PAPPA2: variants seen among roughly 807,000 people sequenced by gnomAD.
PAPPA2 encodes the protein pappalysin-2.
PAPPA2 carries 86 observed loss-of-function variants against 176.4 expected under a neutral mutation model. The observed-to-expected ratio is 0.49, with a 90% CI of 0.41 to 0.58. PAPPA2 has a LOEUF of 0.58. Among genes scored for constraint, PAPPA2 ranks in the 20% least tolerant of loss-of-function variants. The pLI, the probability that PAPPA2 is intolerant of heterozygous loss-of-function variation, is 0.00. For missense variants in PAPPA2, 2,073 were observed against 2,256.9 expected (o/e 0.92, Z 1.65); for synonymous variants, 809 against 852.2 (o/e 0.95, Z 0.88).
At chr1:176,707,627 C>T (rs1660932574) in intron 10 of PAPPA2, among the ~76,000 whole-genome samples, 1 of 152,040 alleles carries the variant, frequency 6.6e-6, no homozygotes, top group Admixed American at 6.6e-5. Flanking sequence ...TACAAATGGC[C>T]TTATCTGTTG....
At chr1:176,685,340 C>T (rs1659787231) in intron 4 of PAPPA2, among the ~76,000 whole-genome samples, 1 of 152,138 alleles carries the variant, frequency 6.6e-6, no homozygotes. Flanking sequence ...TTGAGAGCTT[C>T]TAAGGAGTGT....
Position 176,470,963 on chromosome 1 carries a change from A to T in PAPPA2, c.-917+7545A>T, listed in dbSNP as rs372746561. Among the ~76,000 whole-genome samples the T allele has an allele frequency of 3.3e-5, 5 of 152,214 alleles. No homozygotes were observed. The East Asian group carries it at 7.7e-4, about 24-fold the overall frequency. On this transcript the variant is annotated intron_variant, in intron 1 of 22. Transcript: ENST00000367662. Reference sequence around the variant, plus strand: ...AGTGGCTTCTCGGGTCAAATAGCACATCCTCAGAATGTGAAGGAGCCATTG... The same window carrying T: ...AGTGGCTTCTCGGGTCAAATAGCACTTCCTCAGAATGTGAAGGAGCCATTG...
At position 176,835,275 on chromosome 1, in the gene PAPPA2, G is replaced by A. The variant is rs1667229503; in HGVS notation, c.5203-4898G>A. Among the ~76,000 whole-genome samples, 7 of 152,170 alleles carry A rather than the reference G, an allele frequency of 4.6e-5. No individual in the cohort carries two copies. In the South Asian group the frequency reaches 1.2e-3, roughly 27 times the overall value. On this transcript the variant is annotated intron_variant, in intron 21 of 22. Transcript: ENST00000367662. ...AAACAAGACAGTTCACCTTTTTAAG[G>A]CTTCATTTCATCATTTGTAAAATAA... is the stretch of plus-strand genomic sequence containing the variant.
At chr1:176,511,355 C>A (rs927801517) in intron 1 of PAPPA2, among the ~76,000 whole-genome samples, 1 of 152,234 alleles carries the variant, frequency 6.6e-6, no homozygotes, top group East Asian at 1.9e-4. Flanking sequence ...ATTAGGAATA[C>A]AAGTCCAGTT....
intron 12 of PAPPA2, among the ~76,000 whole-genome samples, chr1:176,724,895 T>C (rs182204351): frequency 5.4e-4 from 82 of 152,350 alleles, no homozygotes; most frequent in African/African-American, 1.9e-3. Context: ...AATGATTATC[T>C]TAAAATTCAG....
In PAPPA2 at chr1:176,844,852, G is replaced by A. The variant is rs1667608600; in HGVS notation, c.*2398G>A. On this transcript the variant is annotated 3_prime_UTR_variant, in exon 23 of 23. Transcript: ENST00000367662. Reference sequence around the variant, plus strand: ...TCATGCCAGTGTGTGTCTTCATGCAGTCTCTCCACAAGAGCAACAGTAAGA... The same window carrying A: ...TCATGCCAGTGTGTGTCTTCATGCAATCTCTCCACAAGAGCAACAGTAAGA... The A allele has an allele frequency of 6.6e-6, 1 of 152,138 alleles. No individual in the cohort carries two copies. Among genetic ancestry groups the A allele is most frequent in the African/African-American group, 2.4e-5 (1 of 41,432 alleles). The allele number at this position is 152,138 out of a possible 1,614,324, so 9.4% of individuals were successfully genotyped here.
At chr1:176,758,867 C>T (rs1226753288) in intron 14 of PAPPA2, among the ~76,000 whole-genome samples, 2 of 152,186 alleles carry the variant, frequency 1.3e-5, no homozygotes, top group Non-Finnish European at 2.9e-5. Context: ...CCACCATCAC[C>T]TCATCTGTGA....
At chr1:176,552,976 G>A (rs997991552) in intron 1 of PAPPA2, among the ~76,000 whole-genome samples, 1 of 152,122 alleles carries the variant, frequency 6.6e-6, no homozygotes, top group African/African-American at 2.4e-5. Flanking sequence ...TAAACAAATA[G>A]CAACAGAATT....
chr1:176,727,873 T>C (rs979270990), intron 12 of PAPPA2, among the ~76,000 whole-genome samples: 1 of 152,002 alleles, frequency 6.6e-6, no homozygotes, highest in Non-Finnish European at 1.5e-5. Flanking sequence ...TCTAGGTCAT[T>C]CCCAAATTAA....
At chr1:176,800,194 G>T in intron 21 of PAPPA2, 62 bp downstream of exon 21, 1 of 1,518,698 alleles carries the variant, frequency 6.6e-7, no homozygotes. Context: ...AACTTATGGA[G>T]CTTGAATCCT....
rs200149667 is a variant in PAPPA2, at chr1:176,711,980, A to G, written c.3797A>G (p.Lys1266Arg). The change falls in exon 12 of 23, where the codon AAA becomes AGA. Residue 1266 changes from lysine to arginine, a missense_variant and splice_region_variant. By Grantham distance (26) the Lys-to-Arg change is conservative (BLOSUM62 2). This residue lies in a region of PAPPA2 where 846 missense variants were observed against 857.9 expected (regional missense o/e 0.99). Coordinates refer to ENST00000367662, the MANE Select transcript of PAPPA2 (RefSeq NM_020318.3). ...SLKKEDEVWL[K>R]VCFNRPGEAR... ...AAGAAAGAGGATGAGGTTTGGCTCA[A>G]AGTAAGTGGCCCAAATGTTTCTTTT... 2.6e-5 allele frequency: 42 copies of G among 1,610,134 alleles called. No homozygotes were observed. The highest frequency in any genetic ancestry group is 3.3e-5 in the Admixed American group (2 of 59,932).
chr1:176,489,818 T>C (rs748186116), intron 1 of PAPPA2, among the ~76,000 whole-genome samples: 7 of 152,246 alleles, frequency 4.6e-5, no homozygotes, highest in Non-Finnish European at 8.8e-5. Flanking sequence ...ATGAGACTTA[T>C]TCGTTTATAT....
rs1028356 is a variant in PAPPA2, at chr1:176,780,643, T to A, written c.4716-9166T>A. ...TTATTCTTCATGTCTGCAGGCAGTG[T>A]TGGCAGCTCTGTCAGGTCAGTATTC... On this transcript the variant is annotated intron_variant, in intron 17 of 22. Transcript: ENST00000367662. Among the ~76,000 whole-genome samples the A allele has an allele frequency of 3.7e-3, 567 of 152,252 alleles. 13 individuals are homozygous for A. The highest frequency in any genetic ancestry group is 0.033 in the Admixed American group (505 of 15,282).
intron 3 of PAPPA2, among the ~76,000 whole-genome samples, chr1:176,610,351 G>C (rs966503225): frequency 1.3e-5 from 2 of 150,482 alleles, no homozygotes; most frequent in African/African-American, 2.4e-5. Flanking sequence ...GTGTGGGGGG[G>C]GGGAGTAGGA....
At chr1:176,495,528 ACT>A (rs140242912) in intron 1 of PAPPA2, among the ~76,000 whole-genome samples, 7,528 of 149,004 alleles carry the variant, frequency 0.051, 216 homozygotes, top group Non-Finnish European at 0.063. Flanking sequence ...AACAAGTGAA[ACT>A]CTGTTTCAAA....
intron 3 of PAPPA2, among the ~76,000 whole-genome samples, chr1:176,608,297 G>T (rs766974211): frequency 3.9e-5 from 6 of 152,110 alleles, no homozygotes; most frequent in Non-Finnish European, 7.4e-5. Flanking sequence ...TATGATTTTT[G>T]ATTGTGAGTC....
intron 12 of PAPPA2, among the ~76,000 whole-genome samples, chr1:176,722,513 A>T (rs1452573247): frequency 6.7e-6 from 1 of 150,038 alleles, no homozygotes; most frequent in East Asian, 2.0e-4. Context: ...CTCCACATTG[A>T]CAGTCTTTGA....
intron 14 of PAPPA2, among the ~76,000 whole-genome samples, chr1:176,754,635 G>A (rs1571276577): frequency 1.3e-5 from 2 of 152,338 alleles, no homozygotes; most frequent in South Asian, 4.1e-4. Context: ...AACAAGAGAA[G>A]TAGAAAAAGT....
chr1:176,657,495 C>T (rs546585793), intron 3 of PAPPA2, among the ~76,000 whole-genome samples: 1 of 152,016 alleles, frequency 6.6e-6, no homozygotes, highest in East Asian at 1.9e-4. Flanking sequence ...AGTTTGTATT[C>T]AAGGAGTGCA....
Sources: gnomAD v4.1 joint callset for allele counts (sites outside exome capture counted in the v4.1 genomes callset) on GRCh38, gnomAD v4.1.1 for gene constraint, gnomAD v4.1.1 regional missense constraint, MANE v1.5 for transcripts, NCBI Gene and HGNC (gene_info 2026-07-23, HGNC 2026-07-21) for gene names.